The following AKT3 variants were observed in gnomAD, a reference collection of about 807,000 sequenced individuals.
The protein encoded by AKT3 is RAC-gamma serine/threonine-protein kinase.
A neutral mutation model predicts 65.3 loss-of-function variants in AKT3; 15 were observed. The ratio of observed to expected loss-of-function variants is 0.23; its 90% CI spans 0.15 to 0.35. AKT3 has a LOEUF of 0.35. Among genes scored for constraint, AKT3 ranks in the 10% least tolerant of loss-of-function variants. The pLI, the probability that AKT3 is intolerant of heterozygous loss-of-function variation, is 1.00. For missense variants in AKT3, 243 were observed against 576.5 expected, an observed-to-expected ratio of 0.42 and a Z score of 5.92; for synonymous variants, 206 against 183.8, an observed-to-expected ratio of 1.12 and a Z score of -0.98.
intron 2 of AKT3, among the ~76,000 whole-genome samples, chr1:243,715,662 ACT>A (rs1160547040): frequency 6.6e-6 from 1 of 151,966 alleles, no homozygotes; most frequent in Non-Finnish European, 1.5e-5. Flanking sequence ...TTACATAATA[ACT>A]CTTCTTGTTA....
intron 12 of AKT3, among the ~76,000 whole-genome samples, chr1:243,533,637 A>G (rs1158267321): frequency 6.6e-6 from 1 of 152,196 alleles, no homozygotes; most frequent in Non-Finnish European, 1.5e-5. Flanking sequence ...TAAACCAGAG[A>G]AGGCAGAATA....
At chr1:243,798,360 C>T (rs555275709) in intron 2 of AKT3, among the ~76,000 whole-genome samples, 2 of 149,244 alleles carry the variant, frequency 1.3e-5, no homozygotes, top group South Asian at 2.1e-4. Flanking sequence ...GCTGGGACTA[C>T]AGGCATGCAC....
chr1:243,586,865 G>A (rs945256538), intron 8 of AKT3, among the ~76,000 whole-genome samples: 3 of 151,550 alleles, frequency 2.0e-5, no homozygotes, highest in African/African-American at 7.3e-5. Context: ...GTACCTTCTT[G>A]AATTTAAAAT....
chr1:243,769,770 A>C (rs1432182523), intron 2 of AKT3, among the ~76,000 whole-genome samples: 8 of 152,162 alleles, frequency 5.3e-5, no homozygotes, highest in Non-Finnish European at 1.2e-4. Flanking sequence ...TGTTTCCTGA[A>C]GACCTTCTCA....
chr1:243,770,292 G>A (rs1485457472), intron 2 of AKT3, among the ~76,000 whole-genome samples: 1 of 152,072 alleles, frequency 6.6e-6, no homozygotes, highest in Admixed American at 6.6e-5. Flanking sequence ...TCTGGGGTAG[G>A]AAAAGCCTTA....
intron 2 of AKT3, chr1:243,735,812 G>A (rs1179894041): frequency 6.6e-6 from 1 of 152,184 alleles, no homozygotes; most frequent in Non-Finnish European, 1.5e-5. Context: ...CCAATGACAG[G>A]TATTTGAGAC....
chr1:243,784,123 G>A (rs978241668), intron 2 of AKT3, among the ~76,000 whole-genome samples: 4 of 152,134 alleles, frequency 2.6e-5, no homozygotes, highest in African/African-American at 7.2e-5. Flanking sequence ...ACAGAGATGA[G>A]GGAGGGAGAA....
chr1:243,542,935 T>C (rs558932489), intron 12 of AKT3, among the ~76,000 whole-genome samples: 18 of 152,268 alleles, frequency 1.2e-4, no homozygotes, highest in African/African-American at 4.3e-4. Context: ...AGTAAGCCTG[T>C]AGATGGCACC....
intron 13 of AKT3, among the ~76,000 whole-genome samples, chr1:243,492,776 T>G (rs12079509): frequency 3.9e-4 from 59 of 151,564 alleles, no homozygotes; most frequent in Middle Eastern, 3.4e-3. Flanking sequence ...CCTGGCTAAT[T>G]TTGTATTTTT....
intron 5 of AKT3, among the ~76,000 whole-genome samples, chr1:243,640,524 T>G (rs763956256): frequency 2.5e-4 from 38 of 152,172 alleles, no homozygotes; most frequent in Non-Finnish European, 4.4e-4. Context: ...CTTGGAAAGC[T>G]CTAGAAAGCC....
intron 4 of AKT3, among the ~76,000 whole-genome samples, chr1:243,652,770 G>GAAAAAAAAAAGAAA (rs1558686553): frequency 3.1e-4 from 1 of 3,198 alleles, no homozygotes; most frequent in Non-Finnish European, 1.0e-3. Flanking sequence ...CAAATAGAAA[G>GAAAAAAAAAAGAAA]CAAAAAAAAA....
intron 12 of AKT3, among the ~76,000 whole-genome samples, chr1:243,540,881 T>C (rs1008629977): frequency 6.6e-6 from 1 of 152,174 alleles, no homozygotes; most frequent in Non-Finnish European, 1.5e-5. Context: ...CTCATGATTA[T>C]ACTGAGGTTA....
chr1:243,615,023 A>T (rs921081816), intron 7 of AKT3, 73 bp downstream of exon 7: 1 of 1,121,490 alleles, frequency 8.9e-7, no homozygotes, highest in African/African-American at 1.6e-5. Context: ...TATTTTTCAC[A>T]ATTTAATTTC....
At chr1:243,845,588 C>CAAAAAAAAAAAA (rs10648820) in intron 1 of AKT3, among the ~76,000 whole-genome samples, 11 of 79,300 alleles carry the variant, frequency 1.4e-4, no homozygotes, top group African/African-American at 2.5e-4. Context: ...GAACCTGTCT[C>CAAAAAAAAAAAA]AAAAAAAAAA....
intron 2 of AKT3, among the ~76,000 whole-genome samples, chr1:243,824,828 T>C (rs1489827915): frequency 6.6e-6 from 1 of 152,174 alleles, no homozygotes; most frequent in Non-Finnish European, 1.5e-5. Flanking sequence ...AGTTCAACCA[T>C]TGTGGAAGAT....
chr1:243,819,291 C>T (rs1227779412), intron 2 of AKT3, among the ~76,000 whole-genome samples: 1 of 152,184 alleles, frequency 6.6e-6, no homozygotes, highest in African/African-American at 2.4e-5. Context: ...CTCCAGTTGG[C>T]CGTTTTTTCC....
intron 4 of AKT3, among the ~76,000 whole-genome samples, chr1:243,651,773 A>T (rs1681355429): frequency 6.6e-6 from 1 of 152,148 alleles, no homozygotes; most frequent in African/African-American, 2.4e-5. Flanking sequence ...AAGCTTTCTG[A>T]TGTGCTGCTG....
At chr1:243,674,381 C>G (rs1683361607) in intron 3 of AKT3, among the ~76,000 whole-genome samples, 1 of 152,108 alleles carries the variant, frequency 6.6e-6, no homozygotes, top group Non-Finnish European at 1.5e-5. Context: ...GCTGGTCAAC[C>G]AAATACTAGG....
In AKT3 at chr1:243,545,502, A is replaced by T; in HGVS notation, c.1251+8T>A. On this transcript the variant is annotated splice_region_variant and intron_variant, in intron 12 of 13. Transcript: ENST00000673466. ...ATATATACACACTATGCCATAAAGA[A>T]ATCTTACCTTTTTATCATATACATC... The T allele has an allele frequency of 6.3e-7, 1 of 1,577,460 alleles. No homozygotes were observed. Among genetic ancestry groups the T allele is most frequent in the Non-Finnish European group, 8.7e-7 (1 of 1,148,668 alleles).
Sources: gnomAD v4.1 joint callset for allele counts (sites outside exome capture counted in the v4.1 genomes callset) on GRCh38, gnomAD v4.1.1 for gene constraint, MANE v1.5 for transcripts, NCBI Gene and HGNC (gene_info 2026-07-23, HGNC 2026-07-21) for gene names.